Variants in BCL11A observed in about 807,000 individuals in gnomAD.
The protein encoded by BCL11A is B cell CLL/lymphoma 11A.
A neutral mutation model predicts 55.9 loss-of-function variants in BCL11A; 2 were observed. The observed-to-expected ratio is 0.04, with a 90% CI of 0.01 to 0.11. The LOEUF (loss-of-function observed/expected upper bound fraction) is 0.11. Among genes scored for constraint, BCL11A ranks in the 10% least tolerant of loss-of-function variants. The pLI, the probability that BCL11A is intolerant of heterozygous loss-of-function variation, is 1.00. For missense variants in BCL11A, 817 were observed against 1,137.1 expected (o/e 0.72, Z 4.05); for synonymous variants, 465 against 473.4 (o/e 0.98, Z 0.23).
At chr2:60,498,288 G>A (rs948927638) in intron 2 of BCL11A, among the ~76,000 whole-genome samples, 2 of 151,882 alleles carry the variant, frequency 1.3e-5, no homozygotes, top group African/African-American at 4.8e-5. Context: ...AAGAGGCCCT[G>A]GACACTGAAG....
rs1676095404 is a variant in BCL11A at position 60,459,161 on chromosome 2, A to G, written c.*1243T>C. 4 of 1,024,348 alleles carry G rather than the reference A, an allele frequency of 3.9e-6. No individual in the cohort carries two copies. Among genetic ancestry groups the G allele is most frequent in the Non-Finnish European group, 1.2e-6 (1 of 852,936 alleles). 63.5% of individuals were successfully genotyped at this position (1,024,348 alleles called of 1,614,324 possible). Reference sequence around the variant, plus strand: ...TATTTTCTTCTGTTCCCCTCTGTCAAACCTTATTGTCAGCCTCTTCCTTTC... The same window carrying G: ...TATTTTCTTCTGTTCCCCTCTGTCAGACCTTATTGTCAGCCTCTTCCTTTC... On this transcript the variant is annotated 3_prime_UTR_variant, in exon 4 of 4. Coordinates refer to ENST00000642384, the MANE Select transcript of BCL11A (RefSeq NM_022893.4).
Position 60,459,797 on chromosome 2 carries a change from T to C in BCL11A, c.*607A>G. 5 of 1,043,026 alleles carry C rather than the reference T, an allele frequency of 4.8e-6. No individual in the cohort carries two copies. Among genetic ancestry groups the C allele is most frequent in the Non-Finnish European group, 5.8e-6 (5 of 865,056 alleles). The allele number at this position is 1,043,026 out of a possible 1,614,324, so 64.6% of individuals were successfully genotyped here. Reference sequence around the variant, plus strand: ...ACATTTAACCCTTTAGAGACAGACATTTAGCTCATAGAGATTTTTTTTCAG... The same window carrying C: ...ACATTTAACCCTTTAGAGACAGACACTTAGCTCATAGAGATTTTTTTTCAG... On this transcript the variant is annotated 3_prime_UTR_variant, in exon 4 of 4. Coordinates refer to ENST00000642384, the MANE Select transcript of BCL11A (RefSeq NM_022893.4).
Position 60,553,418 on chromosome 2 carries a change from A to C in BCL11A, c.-148T>G, listed in dbSNP as rs1670504558. ...CCTTTTGACATCCAAAATAAATTAG[A>C]AATAATACAAAGATGGCGCAGGGAA... On this transcript the variant is annotated 5_prime_UTR_variant, in exon 1 of 4. Coordinates refer to ENST00000642384, the MANE Select transcript of BCL11A (RefSeq NM_022893.4). 1.6e-6 allele frequency: 1 copy of C among 639,034 alleles called. No individual in the cohort carries two copies. The highest frequency in any genetic ancestry group is 2.5e-6 in the Non-Finnish European group (1 of 393,644). The allele number at this position is 639,034 out of a possible 1,614,324, so 39.6% of individuals were successfully genotyped here. A position where few individuals can be genotyped will look rare whatever the true frequency, so the allele number is the denominator to read the frequency against.
chr2:60,553,658 C>G (rs1417074628), upstream of BCL11A: 1 of 274,976 alleles, frequency 3.6e-6, no homozygotes, highest in African/African-American at 2.3e-5. Context: ...CAGAGACACA[C>G]AAAACATGGG....
intron 2 of BCL11A, among the ~76,000 whole-genome samples, chr2:60,493,757 G>T (rs112085963): frequency 1.1e-4 from 17 of 152,266 alleles, no homozygotes; most frequent in South Asian, 2.1e-4. Context: ...CAGCATCAAG[G>T]TCTCACACAA....
intron 2 of BCL11A, among the ~76,000 whole-genome samples, chr2:60,541,603 G>A (rs1024533121): frequency 2.6e-5 from 4 of 152,184 alleles, no homozygotes; most frequent in Non-Finnish European, 5.9e-5. Flanking sequence ...CCAGTTTCAT[G>A]AACATTAGTC....
At chr2:60,544,276 C>T (rs374423293) in intron 2 of BCL11A, 2 of 152,192 alleles carry the variant, frequency 1.3e-5, no homozygotes, top group South Asian at 2.1e-4. Flanking sequence ...TTTGGATCTC[C>T]GAAGACGACA....
intron 2 of BCL11A, among the ~76,000 whole-genome samples, chr2:60,469,750 G>A (rs576573417): frequency 3.3e-5 from 5 of 152,206 alleles, no homozygotes; most frequent in East Asian, 1.9e-4. Flanking sequence ...GGGATTTTAC[G>A]GTTTATGTGG....
At chr2:60,548,734 C>A (rs561040726) in intron 1 of BCL11A, among the ~76,000 whole-genome samples, 1 of 152,286 alleles carries the variant, frequency 6.6e-6, no homozygotes, top group East Asian at 1.9e-4. Context: ...AAACATTTGG[C>A]TAGTGGTGTT....
chr2:60,488,841 T>C (rs1295609686), intron 2 of BCL11A, among the ~76,000 whole-genome samples: 4 of 152,152 alleles, frequency 2.6e-5, no homozygotes, highest in African/African-American at 9.7e-5. Context: ...CTCACCGCAA[T>C]CTCCGCCTCC....
intron 2 of BCL11A, among the ~76,000 whole-genome samples, chr2:60,477,605 A>T (rs1006514270): frequency 1.7e-5 from 2 of 119,384 alleles, no homozygotes; most frequent in African/African-American, 6.1e-5. Flanking sequence ...TAAAATAAAT[A>T]AAGAAAGAAA....
rs1676052207 is a variant in BCL11A at position 60,458,485 on chromosome 2, G to A, written c.*1919C>T. ...TTTTGTACAAAAAAATCCTTGCACT[G>A]TAGAAGCGAAAGCAATCATTCATTT... On this transcript the variant is annotated 3_prime_UTR_variant, in exon 4 of 4. Coordinates refer to ENST00000642384, the MANE Select transcript of BCL11A (RefSeq NM_022893.4). The A allele has an allele frequency of 1.7e-5, 18 of 1,030,678 alleles. No individual in the cohort carries two copies. Among genetic ancestry groups the A allele is most frequent in the Non-Finnish European group, 2.1e-5 (18 of 856,668 alleles). The allele number at this position is 1,030,678 out of a possible 1,614,324, so 63.8% of individuals were successfully genotyped here.
chr2:60,551,121 G>A (rs889146939), intron 1 of BCL11A, among the ~76,000 whole-genome samples: 1 of 152,188 alleles, frequency 6.6e-6, no homozygotes, highest in Admixed American at 6.5e-5. Context: ...AAGTATAGGT[G>A]GTCCTTTAAA....
chr2:60,458,984 C>T lies in BCL11A; in HGVS notation c.*1420G>A. 9.7e-7 allele frequency: 1 copy of T among 1,031,592 alleles called. No individual in the cohort carries two copies. Among genetic ancestry groups the T allele is most frequent in the Non-Finnish European group, 1.2e-6 (1 of 856,780 alleles). The allele number at this position is 1,031,592 out of a possible 1,614,324, so 63.9% of individuals were successfully genotyped here. On this transcript the variant is annotated 3_prime_UTR_variant, in exon 4 of 4. Coordinates refer to ENST00000642384, the MANE Select transcript of BCL11A (RefSeq NM_022893.4). ...GAGCACAGACATATATACTGCTACTCTTAAAATTCTTTCTCTTCTTTTTTT... is the reference window on the plus strand; with the variant it reads ...GAGCACAGACATATATACTGCTACTTTTAAAATTCTTTCTCTTCTTTTTTT...
At chr2:60,539,822 A>G (rs1026710445) in intron 2 of BCL11A, among the ~76,000 whole-genome samples, 2 of 152,222 alleles carry the variant, frequency 1.3e-5, no homozygotes, top group East Asian at 3.8e-4. Context: ...TAATTAGGTC[A>G]TGTTGTAAAA....
intron 2 of BCL11A, among the ~76,000 whole-genome samples, chr2:60,519,640 A>T (rs1668890648): frequency 6.6e-6 from 1 of 152,102 alleles, no homozygotes; most frequent in Non-Finnish European, 1.5e-5. Context: ...CAACAGCAGT[A>T]AGTTGACCAC....
rs920126045 is a variant in BCL11A at position 60,487,409 on chromosome 2, C to T, written c.386-18576G>A. Among the ~76,000 whole-genome samples, 6 of 152,070 alleles carry T rather than the reference C, an allele frequency of 3.9e-5. No homozygotes were observed. The East Asian group carries it at 9.7e-4, about 24-fold the overall frequency. ...GCAGTGTAGTGGGCAGTTACGTTTTCGTCATCTGTATGGAAATTGGGAAAT... is the reference window on the plus strand; with the variant it reads ...GCAGTGTAGTGGGCAGTTACGTTTTTGTCATCTGTATGGAAATTGGGAAAT... On this transcript the variant is annotated intron_variant, in intron 2 of 3. Transcript: ENST00000642384.
At chr2:60,511,551 CT>C in intron 2 of BCL11A, among the ~76,000 whole-genome samples, 1 of 151,616 alleles carries the variant, frequency 6.6e-6, no homozygotes. Context: ...TTTCCTTCTT[CT>C]TTTTTGGGGC....
chr2:60,496,187 T>C (rs963025810), intron 2 of BCL11A, among the ~76,000 whole-genome samples: 1 of 152,128 alleles, frequency 6.6e-6, no homozygotes, highest in Non-Finnish European at 1.5e-5. Context: ...ACCGGGAAAG[T>C]TCTGGAAGTC....
Sources: allele counts gnomAD v4.1 joint callset (sites outside exome capture counted in the v4.1 genomes callset), GRCh38; gene constraint gnomAD v4.1.1; transcripts MANE v1.5; gene names NCBI Gene and HGNC (gene_info 2026-07-23, HGNC 2026-07-21).